The following EEA1 variants were observed in gnomAD, a reference collection of about 807,000 sequenced individuals.
The protein encoded by EEA1 is early endosome antigen 1, 162kD.
Under a neutral mutation model 209.2 loss-of-function variants are expected in EEA1, and 111 were observed. The observed-to-expected ratio is 0.53, with a 90% CI of 0.45 to 0.62. The LOEUF (loss-of-function observed/expected upper bound fraction) is 0.62, where lower values mean the gene tolerates loss of function less well. EEA1 is among the 20% of genes least tolerant of loss of function. The probability of loss-of-function intolerance (pLI) is 0.00; values close to 1 mark genes in which losing one functional copy is unlikely to be tolerated. For synonymous variants in EEA1, 536 were observed against 540.6 expected, an observed-to-expected ratio of 0.99 and a Z score of 0.12; for missense variants, 1,343 against 1,530.8, an observed-to-expected ratio of 0.88 and a Z score of 2.05.
intron 13 of EEA1, 144 bp downstream of exon 13, chr12:92,826,022 T>C: frequency 1.2e-6 from 1 of 827,280 alleles, no homozygotes; most frequent in Non-Finnish European, 1.7e-6. Flanking sequence ...TCAAAATCCC[T>C]CACAATCAAG....
In EEA1 at chr12:92,794,932, T is replaced by C. The variant is rs192332796; in HGVS notation, c.2967+3960A>G. ...TAAATGGCATTACCAACTACCCACA[T>C]GCACAAACCCAAGTTATCCTTGATC... On this transcript the variant is annotated intron_variant, in intron 21 of 28. Coordinates refer to ENST00000322349, the MANE Select transcript of EEA1 (RefSeq NM_003566.4). Among the ~76,000 whole-genome samples the C allele has an allele frequency of 2.3e-3, 350 of 152,216 alleles. 3 individuals are homozygous for C. Among genetic ancestry groups the C allele is most frequent in the African/African-American group, 7.8e-3 (323 of 41,536 alleles).
At chr12:92,909,379 T>G (rs1182357698) in intron 1 of EEA1, among the ~76,000 whole-genome samples, 2 of 152,170 alleles carry the variant, frequency 1.3e-5, no homozygotes, top group African/African-American at 2.4e-5. Context: ...TTGAAGGTAC[T>G]CCCAGTAGCT....
intron 1 of EEA1, among the ~76,000 whole-genome samples, chr12:92,898,774 C>T (rs1352540357): frequency 4.0e-5 from 4 of 98,808 alleles, no homozygotes; most frequent in Non-Finnish European, 7.2e-5. Flanking sequence ...ACAGGGGTCT[C>T]AGAATGTTGC....
At chr12:92,855,983 T>A (rs573879578) in intron 5 of EEA1, among the ~76,000 whole-genome samples, 1 of 152,296 alleles carries the variant, frequency 6.6e-6, no homozygotes, top group Admixed American at 6.5e-5. Context: ...GTTAACAGAA[T>A]CACCAATTAG....
In EEA1 at chr12:92,782,049, T is replaced by A; in HGVS notation, c.3237A>T (p.Glu1079Asp). 1 of 1,612,984 alleles carries A rather than the reference T, an allele frequency of 6.2e-7. No individual in the cohort carries two copies. The highest frequency in any genetic ancestry group is 2.2e-5 in the East Asian group (1 of 44,838). ...QIGNQNKLIQ[E>D]LKTAKATLEQ... is the part of the protein sequence containing the mutation. ...CCAATGTAGCCTTGGCAGTCTTCAGTTCTTGAATCAATTTATTTTGATTTC... is the reference window on the plus strand; with the variant it reads ...CCAATGTAGCCTTGGCAGTCTTCAGATCTTGAATCAATTTATTTTGATTTC... The change falls in exon 23 of 29, where the codon GAA becomes GAT. Residue 1079 changes from glutamate (E) to aspartate (D), a missense_variant. This residue lies in a region of EEA1 where 1,307 missense variants were observed against 1,465.5 expected (regional missense o/e 0.89). Coordinates refer to ENST00000322349, the MANE Select transcript of EEA1 (RefSeq NM_003566.4).
intron 1 of EEA1, among the ~76,000 whole-genome samples, chr12:92,912,249 T>C (rs1056953923): frequency 8.5e-5 from 13 of 152,156 alleles, no homozygotes. Flanking sequence ...GTGGTGTCAG[T>C]GGTAGTTTGT....
chr12:92,813,086 G>T lies in EEA1; in HGVS notation c.1937C>A (p.Ala646Asp). The change falls in exon 16 of 29, where the codon GCC becomes GAC. Residue 646 changes from alanine (A) to aspartate (D), a missense_variant. By Grantham distance (126) the Ala-to-Asp change is moderately radical. This residue lies in a region of EEA1 where 1,307 missense variants were observed against 1,465.5 expected (regional missense o/e 0.89). Transcript: ENST00000322349. ...TGCTGATAGTAATAGTTCGGTTTTG[G>T]CTTTAATCTGTAACAGCATTTACAA... ...KVSQLDIQIK[A>D]KTELLLSAEA... 1 of 1,574,394 alleles carries T rather than the reference G, an allele frequency of 6.4e-7. No homozygotes were observed. Among genetic ancestry groups the T allele is most frequent in the Non-Finnish European group, 8.7e-7 (1 of 1,154,596 alleles).
chr12:92,869,140 T>G (rs981102937), intron 2 of EEA1, among the ~76,000 whole-genome samples: 1 of 152,188 alleles, frequency 6.6e-6, no homozygotes, highest in African/African-American at 2.4e-5. Context: ...CAATTTGATA[T>G]AAGAGACTCC....
At chr12:92,811,122 C>T (rs933944491) in intron 17 of EEA1, among the ~76,000 whole-genome samples, 157 bp downstream of exon 17, 1 of 152,024 alleles carries the variant, frequency 6.6e-6, no homozygotes, top group African/African-American at 2.4e-5. Flanking sequence ...AGAATTCAAA[C>T]TTAAGACATG....
intron 2 of EEA1, among the ~76,000 whole-genome samples, chr12:92,869,581 T>C (rs1040514539): frequency 1.6e-4 from 23 of 147,120 alleles, no homozygotes; most frequent in Non-Finnish European, 3.0e-4. Context: ...CCATCTCTAC[T>C]TAAAAAAAAA....
chr12:92,879,508 C>A (rs1489584241), intron 2 of EEA1: 7 of 207,830 alleles, frequency 3.4e-5, no homozygotes, highest in South Asian at 1.7e-4. Flanking sequence ...GTGGGAAAAG[C>A]ATTTGGCAAT....
intron 1 of EEA1, among the ~76,000 whole-genome samples, chr12:92,910,305 C>T (rs1181787438): frequency 6.6e-6 from 1 of 151,674 alleles, no homozygotes; most frequent in East Asian, 1.9e-4. Flanking sequence ...CCCATCTCTA[C>T]TAAAAATACA....
At chr12:92,861,770 A>G (rs1283364863) in intron 3 of EEA1, among the ~76,000 whole-genome samples, 1 of 151,612 alleles carries the variant, frequency 6.6e-6, no homozygotes, top group Non-Finnish European at 1.5e-5. Context: ...TTATATATTT[A>G]TTTATATGTA....
At chr12:92,883,344 A>G (rs918279217) in intron 2 of EEA1, among the ~76,000 whole-genome samples, 3 of 152,030 alleles carry the variant, frequency 2.0e-5, no homozygotes, top group Non-Finnish European at 4.4e-5. Flanking sequence ...GTTTGCAAAT[A>G]TTTTCTCCCA....
chr12:92,781,752 G>T (rs1374497012), intron 23 of EEA1, among the ~76,000 whole-genome samples, 198 bp downstream of exon 23: 1 of 152,146 alleles, frequency 6.6e-6, no homozygotes, highest in African/African-American at 2.4e-5. Context: ...AAAAAGGGTA[G>T]AAATAACAAG....
At chr12:92,794,011 A>C (rs931317252) in intron 21 of EEA1, among the ~76,000 whole-genome samples, 7 of 152,190 alleles carry the variant, frequency 4.6e-5, no homozygotes, top group African/African-American at 1.7e-4. Context: ...AGAATCTACA[A>C]AGAACTCAAA....
At chr12:92,915,062 TAATA>T (rs1880716570) in intron 1 of EEA1, among the ~76,000 whole-genome samples, 1 of 152,152 alleles carries the variant, frequency 6.6e-6, no homozygotes, top group South Asian at 2.1e-4. Context: ...AAAGATTAAA[TAATA>T]AATATAAAAT....
chr12:92,812,884 A>G (rs1220267273), intron 16 of EEA1, 96 bp downstream of exon 16: 1 of 796,350 alleles, frequency 1.3e-6, no homozygotes, highest in Non-Finnish European at 1.9e-6. Flanking sequence ...GTCTATCACA[A>G]GATTATACAA....
intron 1 of EEA1, among the ~76,000 whole-genome samples, chr12:92,916,107 C>G (rs111238753): frequency 6.6e-6 from 1 of 151,420 alleles, no homozygotes; most frequent in Non-Finnish European, 1.5e-5. Context: ...TTAAAAATAC[C>G]CACCATATGA....
Sources: allele counts gnomAD v4.1 joint callset (sites outside exome capture counted in the v4.1 genomes callset), GRCh38; gene constraint gnomAD v4.1.1; regional missense constraint gnomAD v4.1.1; transcripts MANE v1.5; gene names NCBI Gene and HGNC (gene_info 2026-07-23, HGNC 2026-07-21).